The following COL4A1 variants were observed in gnomAD, a reference collection of about 807,000 sequenced individuals.
COL4A1 encodes the protein collagen type IV alpha 1 chain.
Under a neutral mutation model 216.6 loss-of-function variants are expected in COL4A1, and 40 were observed. The ratio of observed to expected loss-of-function variants is 0.18; its 90% CI spans 0.14 to 0.24. COL4A1 has a LOEUF of 0.24. Ranked by LOEUF, COL4A1 falls within the 10% of genes least tolerant of loss-of-function variation. The pLI, the probability that COL4A1 is intolerant of heterozygous loss-of-function variation, is 1.00. For missense variants in COL4A1, 1,628 were observed against 2,196.8 expected (o/e 0.74, Z 5.18); for synonymous variants, 839 against 810.7 (o/e 1.03, Z -0.59).
chr13:110,293,820 G>A (rs1200310909), intron 1 of COL4A1, among the ~76,000 whole-genome samples: 8 of 152,126 alleles, frequency 5.3e-5, no homozygotes, highest in African/African-American at 1.4e-4. Context: ...GGATAATGTG[G>A]GACATGCACT....
At chr13:110,176,403 C>T in intron 36 of COL4A1, 21 bp downstream of exon 36, 1 of 1,545,902 alleles carries the variant, frequency 6.5e-7, no homozygotes, top group East Asian at 2.2e-5. Flanking sequence ...GCTAAAGAAT[C>T]CTCTTCTAAA....
intron 2 of COL4A1, among the ~76,000 whole-genome samples, chr13:110,233,506 T>TC (rs968427925): frequency 6.6e-6 from 1 of 152,070 alleles, no homozygotes; most frequent in Non-Finnish European, 1.5e-5. Context: ...TCACGCATGT[T>TC]CCCCTTTGAA....
intron 43 of COL4A1, among the ~76,000 whole-genome samples, chr13:110,168,342 G>A (rs1179547902): frequency 6.6e-6 from 1 of 152,168 alleles, no homozygotes; most frequent in Non-Finnish European, 1.5e-5. Context: ...CTATGTTACT[G>A]AGGAATAAAA....
At chr13:110,261,267 C>T (rs1882815098) in intron 1 of COL4A1, among the ~76,000 whole-genome samples, 1 of 152,166 alleles carries the variant, frequency 6.6e-6, no homozygotes. Flanking sequence ...CCCGACCCAT[C>T]ACAACTTCAC....
chr13:110,270,532 CCATTGTAGGGTTAAT>C (rs1198909581), intron 1 of COL4A1, among the ~76,000 whole-genome samples: 7 of 152,202 alleles, frequency 4.6e-5, no homozygotes, highest in Non-Finnish European at 1.0e-4. Context: ...CTCACAACAA[CCATTGTAGGGTTAAT>C]CATTGTAGGG....
chr13:110,252,106 C>A (rs1882096846), intron 1 of COL4A1, among the ~76,000 whole-genome samples: 1 of 152,086 alleles, frequency 6.6e-6, no homozygotes, highest in Admixed American at 6.6e-5. Context: ...TCACTGCAAC[C>A]TCCCTCTCCC....
chr13:110,149,616 CAGTCTTTCAAAGGA>C lies in COL4A1; in HGVS notation c.*733_*746del, dbSNP rs1183682707. Reference sequence around the variant, plus strand: ...TAAAAACCTATGTTAAAGGACAGCACAGTCTTTCAAAGGAAGAAAACTATGTAAGCTTTATTTTA... The same window carrying C: ...TAAAAACCTATGTTAAAGGACAGCACAGAAAACTATGTAAGCTTTATTTTA... On this transcript the variant is annotated 3_prime_UTR_variant, in exon 52 of 52. Coordinates refer to ENST00000375820, the MANE Select transcript of COL4A1 (RefSeq NM_001845.6). 1 of 152,584 alleles carries C rather than the reference CAGTCTTTCAAAGGA, an allele frequency of 6.6e-6. No homozygotes were observed. Among genetic ancestry groups the C allele is most frequent in the Non-Finnish European group, 1.5e-5 (1 of 68,032 alleles). The allele number at this position is 152,584 out of a possible 1,614,324, so 9.5% of individuals were successfully genotyped here.
At chr13:110,205,190 T>C (rs1879433543) in intron 17 of COL4A1, 163 bp downstream of exon 17, 1 of 763,386 alleles carries the variant, frequency 1.3e-6, no homozygotes, top group South Asian at 1.7e-5. Context: ...TTGTAAAAAA[T>C]CATGAACATA....
At chr13:110,156,316 T>C (rs934661641) in intron 49 of COL4A1, among the ~76,000 whole-genome samples, 3 of 152,260 alleles carry the variant, frequency 2.0e-5, no homozygotes, top group East Asian at 1.9e-4. Flanking sequence ...CCTTCTGGAA[T>C]GCAACAGTTT....
chr13:110,213,876 A>G (rs1879940342), intron 3 of COL4A1, 50 bp from the exon 4 acceptor site: 5 of 1,610,146 alleles, frequency 3.1e-6, no homozygotes, highest in Non-Finnish European at 4.3e-6. Context: ...TATCTCAAGA[A>G]TGCGGGCAAT....
At chr13:110,170,359 C>A (rs1291887893) in intron 42 of COL4A1, among the ~76,000 whole-genome samples, 188 bp downstream of exon 42, 1 of 152,226 alleles carries the variant, frequency 6.6e-6, no homozygotes, top group Non-Finnish European at 1.5e-5. Context: ...TACTTAAATT[C>A]CTTGACAGAA....
chr13:110,246,252 A>C (rs1881806726), intron 1 of COL4A1, among the ~76,000 whole-genome samples: 2 of 152,026 alleles, frequency 1.3e-5, no homozygotes, highest in African/African-American at 2.4e-5. Context: ...AAATATCACT[A>C]TTCTGGTCCT....
chr13:110,263,404 C>A (rs934151050), intron 1 of COL4A1, among the ~76,000 whole-genome samples: 10 of 152,184 alleles, frequency 6.6e-5, no homozygotes, highest in African/African-American at 2.4e-4. Context: ...CCCTTACAGA[C>A]CCACTTTGAA....
Position 110,176,733 on chromosome 13 carries a change from C to T in COL4A1, c.2870-9G>A. 6.2e-7 allele frequency: 1 copy of T among 1,614,046 alleles called. No homozygotes were observed. The highest frequency in any genetic ancestry group is 8.5e-7 in the Non-Finnish European group (1 of 1,179,894). Reference sequence around the variant, plus strand: ...AATTGGTCCAATTTGTCCTACACATCAGAGAAGAAAATAGCAATGACCCGC... The same window carrying T: ...AATTGGTCCAATTTGTCCTACACATTAGAGAAGAAAATAGCAATGACCCGC... On this transcript the variant is annotated splice_polypyrimidine_tract_variant and intron_variant, in intron 34 of 51. Coordinates refer to ENST00000375820, the MANE Select transcript of COL4A1 (RefSeq NM_001845.6).
In COL4A1 at chr13:110,252,434, T is replaced by C. The variant is rs185466033; in HGVS notation, c.85-9700A>G. On this transcript the variant is annotated intron_variant, in intron 1 of 51. Transcript: ENST00000375820. ...TATATGTGTATATGTATTATATATG[T>C]ATAATTATACGTATATGTATTATAT... Among the ~76,000 whole-genome samples, 163 of 137,926 alleles carry C rather than the reference T, an allele frequency of 1.2e-3. 10 individuals carry two copies. The East Asian group carries it at 0.022, about 19-fold the overall frequency. The allele number at this position is 137,926 out of a possible 152,430, so 90.5% of individuals were successfully genotyped here. A position where few individuals can be genotyped will look rare whatever the true frequency, so the allele number is the denominator to read the frequency against.
chr13:110,190,998 G>GC (rs1878603558), intron 24 of COL4A1: 1 of 152,318 alleles, frequency 6.6e-6, no homozygotes, highest in African/African-American at 2.4e-5. Flanking sequence ...ATGAAGCGGT[G>GC]CATAGAGGTT....
intron 1 of COL4A1, among the ~76,000 whole-genome samples, chr13:110,305,204 C>T (rs902529337): frequency 1.3e-5 from 2 of 152,222 alleles, no homozygotes; most frequent in Admixed American, 1.3e-4. Context: ...TGCCCACAGG[C>T]TGCATCTCTT....
chr13:110,177,885 G>C lies in COL4A1; in HGVS notation c.2673C>G (p.Gly891=), dbSNP rs1464873955. ...MGVMGTPGQP[G]SPGPVGAPGL... ...CAGGAGCACCCACTGGTCCTGGTGA[G>C]CCCGGCTGCCCGGGGGTCCCCATGA... Residue 891 remains glycine (G), a synonymous_variant, in exon 33 of 52, where the codon GGC becomes GGG. Coordinates refer to ENST00000375820, the MANE Select transcript of COL4A1 (RefSeq NM_001845.6). 6.2e-7 allele frequency: 1 copy of C among 1,614,156 alleles called. No homozygotes were observed. The highest frequency in any genetic ancestry group is 1.7e-5 in the Admixed American group (1 of 60,028).
chr13:110,172,054 A>T (rs1055503251), intron 41 of COL4A1, among the ~76,000 whole-genome samples: 1 of 152,220 alleles, frequency 6.6e-6, no homozygotes, highest in African/African-American at 2.4e-5. Flanking sequence ...GCTGAAGTCC[A>T]AGGCCTTCCA....
Sources: allele counts gnomAD v4.1 joint callset (sites outside exome capture counted in the v4.1 genomes callset), GRCh38; gene constraint gnomAD v4.1.1; transcripts MANE v1.5; gene names NCBI Gene and HGNC (gene_info 2026-07-23, HGNC 2026-07-21).